Variants in CNTN5 observed in about 807,000 individuals in gnomAD.
The protein encoded by CNTN5 is contactin-5.
CNTN5 carries 77 observed loss-of-function variants against 129.1 expected under a neutral mutation model. The ratio of observed to expected loss-of-function variants is 0.60; its 90% CI spans 0.50 to 0.72. The LOEUF is 0.72. Among genes scored for constraint, CNTN5 ranks in the 30% least tolerant of loss-of-function variants. The pLI, the probability that CNTN5 is intolerant of heterozygous loss-of-function variation, is 0.00. For synonymous variants in CNTN5, 509 were observed against 465.6 expected, an observed-to-expected ratio of 1.09 and a Z score of -1.20; for missense variants, 1,478 against 1,328.8, an observed-to-expected ratio of 1.11 and a Z score of -1.75.
At chr11:99,474,907 T>C (rs1945311966) in intron 2 of CNTN5, among the ~76,000 whole-genome samples, 1 of 152,206 alleles carries the variant, frequency 6.6e-6, no homozygotes, top group African/African-American at 2.4e-5. Context: ...TTTTTTCTCT[T>C]AGATGTCTAC....
intron 3 of CNTN5, among the ~76,000 whole-genome samples, chr11:99,649,223 A>G (rs1952072090): frequency 6.6e-6 from 1 of 151,682 alleles, no homozygotes; most frequent in East Asian, 1.9e-4. Flanking sequence ...CTAATTACAA[A>G]TTATTTCGCA....
intron 1 of CNTN5, among the ~76,000 whole-genome samples, chr11:99,088,134 A>G (rs1866075904): frequency 6.6e-6 from 1 of 152,142 alleles, no homozygotes; most frequent in East Asian, 1.9e-4. Context: ...TCTTCTAGCA[A>G]CCTTCCACAA....
rs572488745 is a variant in CNTN5 at position 99,636,797 on chromosome 11, C to T, written c.55+80528C>T. Among the ~76,000 whole-genome samples, 186 of 150,734 alleles carry T rather than the reference C, an allele frequency of 1.2e-3. 1 individual carries two copies. Among genetic ancestry groups the T allele is most frequent in the African/African-American group, 4.2e-3 (173 of 41,060 alleles). ...TGGGAGGCCAAGGTGGGGGGATGGACGAGATCAGGAGATCAGGACGATCCT... is the reference window on the plus strand; with the variant it reads ...TGGGAGGCCAAGGTGGGGGGATGGATGAGATCAGGAGATCAGGACGATCCT... On this transcript the variant is annotated intron_variant, in intron 3 of 24. Transcript: ENST00000524871.
intron 3 of CNTN5, among the ~76,000 whole-genome samples, chr11:99,571,380 AAC>A (rs1949169690): frequency 6.6e-6 from 1 of 152,196 alleles, no homozygotes; most frequent in Non-Finnish European, 1.5e-5. Flanking sequence ...CTGTCATGCT[AAC>A]AATGACTGAT....
chr11:99,216,238 G>A (rs1470978719), intron 1 of CNTN5, among the ~76,000 whole-genome samples: 1 of 152,032 alleles, frequency 6.6e-6, no homozygotes, highest in African/African-American at 2.4e-5. Context: ...ATATAAGTGA[G>A]AACGTGTGAT....
intron 3 of CNTN5, among the ~76,000 whole-genome samples, chr11:99,565,711 G>C (rs1450155220): frequency 6.6e-6 from 1 of 152,124 alleles, no homozygotes; most frequent in East Asian, 1.9e-4. Flanking sequence ...CAATGAAGAA[G>C]AGTATATACG....
intron 2 of CNTN5, among the ~76,000 whole-genome samples, chr11:99,386,206 G>A (rs1940916433): frequency 6.6e-6 from 1 of 152,152 alleles, no homozygotes; most frequent in Admixed American, 6.5e-5. Flanking sequence ...ATCTGTTACA[G>A]GAAAGGGGTC....
intron 8 of CNTN5, among the ~76,000 whole-genome samples, chr11:99,985,421 G>A (rs1938613860): frequency 6.6e-6 from 1 of 152,168 alleles, no homozygotes; most frequent in Non-Finnish European, 1.5e-5. Context: ...TCTCTCTGAA[G>A]TCAAGTCACC....
At chr11:99,094,094 T>G (rs1432150951) in intron 1 of CNTN5, among the ~76,000 whole-genome samples, 1 of 152,020 alleles carries the variant, frequency 6.6e-6, no homozygotes, top group East Asian at 1.9e-4. Context: ...TCAAATCCCT[T>G]ATCACTACCA....
chr11:99,394,346 AACATT>A (rs1941412519), intron 2 of CNTN5, among the ~76,000 whole-genome samples: 1 of 151,658 alleles, frequency 6.6e-6, no homozygotes, highest in Non-Finnish European at 1.5e-5. Flanking sequence ...GTATCTTTGT[AACATT>A]ACAACAAACA....
chr11:100,347,249 G>A (rs1320978775), intron 23 of CNTN5, among the ~76,000 whole-genome samples: 1 of 152,044 alleles, frequency 6.6e-6, no homozygotes, highest in African/African-American at 2.4e-5. Context: ...GAACTTTGAA[G>A]CCCATCCCTG....
intron 2 of CNTN5, among the ~76,000 whole-genome samples, chr11:99,368,958 T>C (rs917304042): frequency 1.3e-5 from 2 of 151,922 alleles, no homozygotes; most frequent in African/African-American, 4.8e-5. Flanking sequence ...GTGTTCAGCA[T>C]GTTAAATTAA....
intron 3 of CNTN5, among the ~76,000 whole-genome samples, chr11:99,744,037 A>C (rs1480840395): frequency 1.3e-5 from 2 of 152,120 alleles, no homozygotes; most frequent in East Asian, 1.9e-4. Flanking sequence ...TTCAACCCTT[A>C]AAAAGAAAAA....
chr11:100,207,555 CCTTT>C (rs1591393269), intron 15 of CNTN5, among the ~76,000 whole-genome samples: 1 of 152,010 alleles, frequency 6.6e-6, no homozygotes. Context: ...TGCATTTTAT[CCTTT>C]CTAACTACTG....
chr11:99,253,037 G>A (rs1486142004), intron 1 of CNTN5, among the ~76,000 whole-genome samples: 1 of 151,166 alleles, frequency 6.6e-6, no homozygotes. Context: ...TCGTGATATG[G>A]TTTGGCTGTG....
intron 1 of CNTN5, among the ~76,000 whole-genome samples, chr11:99,157,842 C>A (rs34754191): frequency 0.25 from 37,384 of 151,988 alleles, 4,938 homozygotes; most frequent in Middle Eastern, 0.3. Flanking sequence ...AGAATTCTTG[C>A]AGTAGCAAGG....
intron 2 of CNTN5, among the ~76,000 whole-genome samples, chr11:99,328,870 CAAAAAA>C (rs10542347): frequency 1.1e-5 from 1 of 87,650 alleles, no homozygotes; most frequent in Non-Finnish European, 2.2e-5. Flanking sequence ...AACTCCATCT[CAAAAAA>C]AAAAAAAAAA....
chr11:99,697,405 T>G (rs1954319120), intron 3 of CNTN5, among the ~76,000 whole-genome samples: 1 of 151,702 alleles, frequency 6.6e-6, no homozygotes, highest in South Asian at 2.1e-4. Context: ...TATGTACGCC[T>G]AATATGATGC....
intron 3 of CNTN5, among the ~76,000 whole-genome samples, chr11:99,621,279 A>G (rs1002662498): frequency 6.6e-6 from 1 of 152,208 alleles, no homozygotes; most frequent in Non-Finnish European, 1.5e-5. Flanking sequence ...ATCAGAGGTA[A>G]TGATGTGGAA....
Sources: allele counts gnomAD v4.1 joint callset (sites outside exome capture counted in the v4.1 genomes callset), GRCh38; gene constraint gnomAD v4.1.1; transcripts MANE v1.5; gene names NCBI Gene and HGNC (gene_info 2026-07-23, HGNC 2026-07-21).